Variants in ENOX1 observed in about 807,000 individuals in gnomAD.
ENOX1 encodes the protein ecto-NOX disulfide-thiol exchanger 1, also known as candidate growth-related and time keeping constitutive hydroquinone (NADH) oxidase.
In ENOX1, 42 loss-of-function variants were observed where a neutral mutation model predicts 82.5. The observed-to-expected ratio is 0.51, with a 90% confidence interval of 0.40 to 0.66. The LOEUF (loss-of-function observed/expected upper bound fraction) is 0.66. ENOX1 is among the 30% of genes least tolerant of loss of function. The pLI is 0.00. For missense variants in ENOX1, 608 were observed against 811.6 expected (o/e 0.75, Z 3.05); for synonymous variants, 271 against 282.2 (o/e 0.96, Z 0.40).
At chr13:43,413,721 A>T (rs1196818311) in intron 3 of ENOX1, among the ~76,000 whole-genome samples, 3 of 144,382 alleles carry the variant, frequency 2.1e-5, no homozygotes, top group Non-Finnish European at 3.1e-5. Flanking sequence ...ATATATATTT[A>T]TATATATATA....
At chr13:43,417,009 G>C (rs914859729) in intron 3 of ENOX1, among the ~76,000 whole-genome samples, 1 of 152,236 alleles carries the variant, frequency 6.6e-6, no homozygotes, top group Admixed American at 6.5e-5. Flanking sequence ...AAGAGCTGGA[G>C]ACCAGCCCGG....
chr13:43,229,741 G>A lies in ENOX1; in HGVS notation c.1715-5603C>T, dbSNP rs141023591. The stretch of plus-strand genomic sequence containing the variant: ...TGATCTGGACTGCAAAGGGAGAAGC[G>A]GACTCCAAAGGGAGAGCCAGGGGGC... On this transcript the variant is annotated intron_variant, in intron 15 of 16. Coordinates refer to ENST00000690772, the MANE Select transcript of ENOX1 (RefSeq NM_001347969.2). Among the ~76,000 whole-genome samples the A allele has an allele frequency of 4.6e-4, 70 of 152,248 alleles. 1 individual carries two copies. Among genetic ancestry groups the A allele is most frequent in the African/African-American group, 1.6e-3 (66 of 41,558 alleles).
rs1336096877 is a variant in ENOX1, at chr13:43,470,330, GTA to G, written c.-75+13677_-75+13678del. Among the ~76,000 whole-genome samples, 19 of 25,252 alleles carry G rather than the reference GTA, an allele frequency of 7.5e-4. 3 individuals carry two copies. Among genetic ancestry groups the G allele is most frequent in the Non-Finnish European group, 1.1e-3 (12 of 10,762 alleles). 16.6% of individuals were successfully genotyped at this position (25,252 alleles called of 152,430 possible). On this transcript the variant is annotated intron_variant, in intron 3 of 16. Coordinates refer to ENST00000690772, the MANE Select transcript of ENOX1 (RefSeq NM_001347969.2). The stretch of plus-strand genomic sequence containing the variant: ...TACATATATATACACATATATATAT[GTA>G]TATATATACGTATATATATATGTAT...
chr13:43,237,444 A>G (rs899891282), intron 14 of ENOX1, among the ~76,000 whole-genome samples: 3 of 152,178 alleles, frequency 2.0e-5, no homozygotes, highest in African/African-American at 7.2e-5. Context: ...GATTTAATGG[A>G]AAGTCAAATT....
At chr13:43,604,960 T>C (rs1465027176) in intron 2 of ENOX1, among the ~76,000 whole-genome samples, 3 of 152,106 alleles carry the variant, frequency 2.0e-5, no homozygotes, top group African/African-American at 7.2e-5. Flanking sequence ...TGTTTCTATA[T>C]GCCAACAGCA....
chr13:43,316,536 CAGA>C (rs2047497796), intron 11 of ENOX1, among the ~76,000 whole-genome samples: 1 of 151,996 alleles, frequency 6.6e-6, no homozygotes, highest in Middle Eastern at 3.4e-3. Context: ...TCTGGTTGGG[CAGA>C]AGGAGTGCTT....
chr13:43,460,789 A>C (rs2057437803), intron 3 of ENOX1, among the ~76,000 whole-genome samples: 1 of 100,506 alleles, frequency 9.9e-6, no homozygotes, highest in African/African-American at 3.9e-5. Flanking sequence ...GCGAGACTCC[A>C]TCTCAAAAAA....
chr13:43,730,776 C>T (rs919096929), intron 1 of ENOX1, among the ~76,000 whole-genome samples: 2 of 152,180 alleles, frequency 1.3e-5, no homozygotes, highest in African/African-American at 2.4e-5. Flanking sequence ...TTGCAGCTCC[C>T]TGCAATGTCT....
chr13:43,339,702 GA>G lies in ENOX1; in HGVS notation c.1036+4835del, dbSNP rs529542596. Among the ~76,000 whole-genome samples, 7 of 152,270 alleles carry G rather than the reference GA, an allele frequency of 4.6e-5. No homozygotes were observed. The East Asian group carries it at 1.3e-3, about 29-fold the overall frequency. ...GATCTTTCGGCACTGACACTAAGGA[GA>G]TCCTTTATGTGGAGAGGGAGCAGTT... On this transcript the variant is annotated intron_variant, in intron 9 of 16. Transcript: ENST00000690772.
intron 5 of ENOX1, among the ~76,000 whole-genome samples, chr13:43,379,251 G>GTAAAAA (rs1392479169): frequency 6.6e-6 from 1 of 151,954 alleles, no homozygotes; most frequent in Non-Finnish European, 1.5e-5. Flanking sequence ...ACCTGTTATA[G>GTAAAAA]CAATAGTAAA....
chr13:43,279,055 T>C (rs1024583949), intron 12 of ENOX1, among the ~76,000 whole-genome samples: 1 of 151,592 alleles, frequency 6.6e-6, no homozygotes, highest in Non-Finnish European at 1.5e-5. Flanking sequence ...ACGGGGAGAG[T>C]CATGACCTTG....
chr13:43,664,305 G>A (rs1418064199), intron 2 of ENOX1, among the ~76,000 whole-genome samples: 1 of 152,166 alleles, frequency 6.6e-6, no homozygotes, highest in Non-Finnish European at 1.5e-5. Context: ...GCAAAATGGA[G>A]TAAAGACAAA....
chr13:43,244,115 A>C (rs1310133535), intron 14 of ENOX1, among the ~76,000 whole-genome samples: 2 of 150,782 alleles, frequency 1.3e-5, no homozygotes, highest in Non-Finnish European at 2.9e-5. Context: ...GCTGTGTTCT[A>C]AATCTGTCAC....
chr13:43,487,662 A>G (rs1014545632), intron 2 of ENOX1, among the ~76,000 whole-genome samples: 2 of 152,208 alleles, frequency 1.3e-5, no homozygotes, highest in African/African-American at 4.8e-5. Context: ...CTTAAATTTA[A>G]ATCATAGGGC....
At chr13:43,277,931 G>C (rs1374398919) in intron 12 of ENOX1, among the ~76,000 whole-genome samples, 2 of 152,192 alleles carry the variant, frequency 1.3e-5, no homozygotes, top group Non-Finnish European at 2.9e-5. Context: ...ACAGATTTGA[G>C]GGCCTAAGTC....
intron 2 of ENOX1, among the ~76,000 whole-genome samples, chr13:43,558,732 T>A (rs1164896224): frequency 6.6e-6 from 1 of 152,152 alleles, no homozygotes; most frequent in Non-Finnish European, 1.5e-5. Context: ...GAATTATAGA[T>A]GAGAAATCAA....
At chr13:43,268,990 A>G (rs1191929982) in intron 13 of ENOX1, among the ~76,000 whole-genome samples, 2 of 152,336 alleles carry the variant, frequency 1.3e-5, no homozygotes, top group African/African-American at 4.8e-5. Context: ...CAGGTTTACA[A>G]ACTTCATATA....
chr13:43,665,570 T>C (rs9525821), intron 2 of ENOX1, among the ~76,000 whole-genome samples: 40,751 of 151,846 alleles, frequency 0.27, 5,776 homozygotes, highest in South Asian at 0.36. Flanking sequence ...CTAAGTATGA[T>C]TTAAACGGTA....
At chr13:43,391,722 C>T (rs78877822) in intron 5 of ENOX1, among the ~76,000 whole-genome samples, 7,433 of 152,178 alleles carry the variant, frequency 0.049, 516 homozygotes, top group African/African-American at 0.15. Flanking sequence ...CACTATCATG[C>T]CCCAAGTCAA....
Sources: allele counts gnomAD v4.1 joint callset (sites outside exome capture counted in the v4.1 genomes callset), GRCh38; gene constraint gnomAD v4.1.1; transcripts MANE v1.5; gene names NCBI Gene and HGNC (gene_info 2026-07-23, HGNC 2026-07-21).